The following FRYL variants were observed in gnomAD, a reference collection of about 807,000 sequenced individuals.
The protein encoded by FRYL is FRY like transcription coactivator, also known as protein furry homolog-like.
In FRYL, 150 loss-of-function variants were observed where a neutral mutation model predicts 351.2. That is an observed-to-expected ratio of 0.43 (90% CI 0.37 to 0.49). The LOEUF (loss-of-function observed/expected upper bound fraction) is 0.49, where lower values mean the gene tolerates loss of function less well. FRYL is among the 20% of genes least tolerant of loss of function. The pLI, the probability that FRYL is intolerant of heterozygous loss-of-function variation, is 0.00. For synonymous variants in FRYL, 1,153 were observed against 1,257.1 expected (o/e 0.92, Z 1.75); for missense variants, 3,036 against 3,619.3 (o/e 0.84, Z 4.13).
chr4:48,547,287 C>A (rs948965279), intron 41 of FRYL, among the ~76,000 whole-genome samples: 19 of 152,166 alleles, frequency 1.2e-4, no homozygotes, highest in South Asian at 8.3e-4. Flanking sequence ...AATACAAGCT[C>A]AACATCTTTT....
intron 1 of FRYL, among the ~76,000 whole-genome samples, chr4:48,721,802 G>A (rs939497416): frequency 2.0e-5 from 3 of 151,996 alleles, no homozygotes; most frequent in African/African-American, 7.3e-5. Flanking sequence ...CACCACACCC[G>A]GCTAATTTAT....
chr4:48,634,507 C>A lies in FRYL; in HGVS notation c.-80-17G>T. The A allele has an allele frequency of 6.3e-7, 1 of 1,590,696 alleles. No homozygotes were observed. The highest frequency in any genetic ancestry group is 8.6e-7 in the Non-Finnish European group (1 of 1,164,338). The stretch of plus-strand genomic sequence containing the variant: ...GCGCTGAAGCTAAAAGTAAAAGAAA[C>A]AAAAGAACTCTACTTTAATAAATCA... On this transcript the variant is annotated splice_polypyrimidine_tract_variant and intron_variant, in intron 3 of 63. Coordinates refer to ENST00000358350, the MANE Select transcript of FRYL (RefSeq NM_015030.2).
intron 55 of FRYL, among the ~76,000 whole-genome samples, chr4:48,517,939 C>G (rs1724004652): frequency 6.6e-6 from 1 of 152,052 alleles, no homozygotes; most frequent in Non-Finnish European, 1.5e-5. Flanking sequence ...TATCTTGGTG[C>G]TTTTCTACTT....
At chr4:48,736,200 G>A (rs868855428) in intron 1 of FRYL, among the ~76,000 whole-genome samples, 2 of 151,896 alleles carry the variant, frequency 1.3e-5, no homozygotes, top group Non-Finnish European at 1.5e-5. Context: ...TCAAAACTGT[G>A]GGATGCAACA....
intron 1 of FRYL, among the ~76,000 whole-genome samples, chr4:48,726,234 A>T: frequency 6.6e-6 from 1 of 152,240 alleles, no homozygotes; most frequent in Admixed American, 6.5e-5. Context: ...TAATCAGAAA[A>T]ATAAAGATAC....
At chr4:48,636,794 G>A (rs781621251) in intron 3 of FRYL, 6 of 151,922 alleles carry the variant, frequency 3.9e-5, no homozygotes, top group Non-Finnish European at 7.4e-5. Context: ...TTTAATAACT[G>A]TTAGTTGAAA....
At chr4:48,768,992 G>A (rs1260550430) in intron 1 of FRYL, among the ~76,000 whole-genome samples, 2 of 151,974 alleles carry the variant, frequency 1.3e-5, no homozygotes, top group African/African-American at 4.8e-5. Flanking sequence ...AAATTAGCTG[G>A]GCATGGTGGT....
chr4:48,636,021 A>G (rs1754161582), intron 3 of FRYL, among the ~76,000 whole-genome samples: 2 of 152,198 alleles, frequency 1.3e-5, no homozygotes, highest in South Asian at 4.1e-4. Context: ...AAGTAATCTA[A>G]AGAGTATCAC....
chr4:48,684,033 G>T (rs1764923799), intron 3 of FRYL, among the ~76,000 whole-genome samples: 1 of 152,162 alleles, frequency 6.6e-6, no homozygotes, highest in Non-Finnish European at 1.5e-5. Context: ...ACAACCATTT[G>T]TGTCACTGTT....
intron 1 of FRYL, among the ~76,000 whole-genome samples, chr4:48,750,451 A>T (rs1469900422): frequency 6.6e-6 from 1 of 152,070 alleles, no homozygotes; most frequent in East Asian, 1.9e-4. Flanking sequence ...ACAAAGTCAG[A>T]TCCCATCTCA....
chr4:48,564,878 G>A (rs1736415112), intron 30 of FRYL, 55 bp downstream of exon 30: 5 of 958,322 alleles, frequency 5.2e-6, no homozygotes, highest in Admixed American at 4.2e-5. Flanking sequence ...TACATTAACT[G>A]CAAATAATAC....
intron 47 of FRYL, 81 bp from the exon 48 acceptor site, chr4:48,535,908 T>C (rs1177955741): frequency 2.8e-6 from 3 of 1,072,142 alleles, no homozygotes; most frequent in Admixed American, 3.5e-5. Context: ...TGTATTCGCT[T>C]AATGAAATAA....
At chr4:48,519,388 G>C (rs1724385952) in intron 55 of FRYL, among the ~76,000 whole-genome samples, 2 of 151,710 alleles carry the variant, frequency 1.3e-5, no homozygotes, top group African/African-American at 4.8e-5. Flanking sequence ...CATGAAACCT[G>C]TCCTTTCTTA....
chr4:48,534,822 C>G (rs1195991642), intron 48 of FRYL, 137 bp from the exon 49 acceptor site: 4 of 555,864 alleles, frequency 7.2e-6, no homozygotes, highest in Non-Finnish European at 1.2e-5. Flanking sequence ...AATCTAGAGA[C>G]TAATAAAGTG....
chr4:48,759,255 G>A (rs1774159301), intron 1 of FRYL, among the ~76,000 whole-genome samples: 1 of 151,924 alleles, frequency 6.6e-6, no homozygotes, highest in Non-Finnish European at 1.5e-5. Flanking sequence ...GAAAGAAACA[G>A]GCTTCTGAGG....
At chr4:48,602,346 G>C (rs992374291) in intron 12 of FRYL, among the ~76,000 whole-genome samples, 2 of 152,134 alleles carry the variant, frequency 1.3e-5, no homozygotes, top group African/African-American at 2.4e-5. Context: ...CTCTGAGTTA[G>C]AATATGCTAT....
At chr4:48,637,303 T>C (rs1754435191) in intron 3 of FRYL, 1 of 152,094 alleles carries the variant, frequency 6.6e-6, no homozygotes, top group Non-Finnish European at 1.5e-5. Context: ...TATTTCATCA[T>C]AATGTTCAGC....
At chr4:48,757,097 G>A (rs1054783808) in intron 1 of FRYL, among the ~76,000 whole-genome samples, 6 of 152,124 alleles carry the variant, frequency 3.9e-5, no homozygotes, top group Admixed American at 3.9e-4. Context: ...AAGGTAGTGG[G>A]AAAGAAAAAG....
At chr4:48,559,667 A>G (rs1185491053) in intron 33 of FRYL, among the ~76,000 whole-genome samples, 3 of 63,208 alleles carry the variant, frequency 4.7e-5, no homozygotes, top group Non-Finnish European at 8.4e-5. Flanking sequence ...AGGGAGGGAG[A>G]GAGGAAGAGG....
Sources: gnomAD v4.1 joint callset for allele counts (sites outside exome capture counted in the v4.1 genomes callset) on GRCh38, gnomAD v4.1.1 for gene constraint, MANE v1.5 for transcripts, NCBI Gene and HGNC (gene_info 2026-07-23, HGNC 2026-07-21) for gene names.